DPYSL2: variants seen among roughly 807,000 people sequenced by gnomAD.
The protein encoded by DPYSL2 is dihydropyrimidinase-related protein 2.
DPYSL2 carries 13 observed loss-of-function variants against 69.9 expected under a neutral mutation model. That is an observed-to-expected ratio of 0.19 (90% CI 0.12 to 0.30). DPYSL2 has a LOEUF of 0.30. Among genes scored for constraint, DPYSL2 ranks in the 10% least tolerant of loss-of-function variants. The probability of loss-of-function intolerance (pLI) is 1.00; values close to 1 mark genes in which losing one functional copy is unlikely to be tolerated. For synonymous variants in DPYSL2, 326 were observed against 359.1 expected (o/e 0.91, Z 1.04); for missense variants, 587 against 918.9 (o/e 0.64, Z 4.67).
intron 10 of DPYSL2, among the ~76,000 whole-genome samples, chr8:26,645,724 A>G (rs1046228297): frequency 6.6e-6 from 1 of 151,624 alleles, no homozygotes; most frequent in Non-Finnish European, 1.5e-5. Flanking sequence ...TGATTTTTGT[A>G]TTTTTAGTAG....
intron 1 of DPYSL2, among the ~76,000 whole-genome samples, chr8:26,519,471 T>G (rs1320557805): frequency 1.3e-5 from 2 of 152,234 alleles, no homozygotes; most frequent in Admixed American, 6.5e-5. Context: ...TAGCATTATA[T>G]AACTCTAGAA....
At chr8:26,600,717 C>T (rs976991430) in intron 3 of DPYSL2, among the ~76,000 whole-genome samples, 8 of 152,092 alleles carry the variant, frequency 5.3e-5, no homozygotes, top group African/African-American at 1.9e-4. Flanking sequence ...AGAAAGGCAG[C>T]CCTCTTAGCT....
rs1320191965 is a variant in DPYSL2, at chr8:26,656,486, T to G, written c.*780T>G. 1 of 152,480 alleles carries G rather than the reference T, an allele frequency of 6.6e-6. No individual in the cohort carries two copies. The highest frequency in any genetic ancestry group is 1.9e-4 in the East Asian group (1 of 5,188). 9.4% of individuals were successfully genotyped at this position (152,480 alleles called of 1,614,324 possible). A position where few individuals can be genotyped will look rare whatever the true frequency, so the allele number is the denominator to read the frequency against. The stretch of plus-strand genomic sequence containing the variant: ...TGCGTGCTCTCACTCTCTCTTTCTC[T>G]CTCTAGCTTTTTAATTCATGAATAT... On this transcript the variant is annotated 3_prime_UTR_variant, in exon 14 of 14. Coordinates refer to ENST00000521913, the MANE Select transcript of DPYSL2 (RefSeq NM_001197293.3).
At position 26,614,548 on chromosome 8, in the gene DPYSL2, A is replaced by C. The variant is rs35491396; in HGVS notation, c.629-9595A>C. ...ATCTTCTACCTCTTTGTTTCCTCCA[A>C]AGTTGGCCGATCACCAGATCACTTA... is the stretch of plus-strand genomic sequence containing the variant. On this transcript the variant is annotated intron_variant, in intron 3 of 13. Transcript: ENST00000521913. The surrounding 1 kb of genome is among the most constrained non-coding windows in gnomAD (Gnocchi z 4.9). 0.19 allele frequency among the ~76,000 whole-genome samples: 28,473 copies of C among 152,054 alleles called. 2,729 individuals are homozygous for C. The highest frequency in any genetic ancestry group is 0.24 in the Middle Eastern group (72 of 294).
chr8:26,527,822 A>G (rs1164240041), intron 1 of DPYSL2, among the ~76,000 whole-genome samples: 1 of 42,614 alleles, frequency 2.3e-5, no homozygotes, highest in Non-Finnish European at 7.2e-5. Flanking sequence ...TTTTTTTTTT[A>G]GATGGAGTCT....
At chr8:26,522,501 A>G (rs10112773) in intron 1 of DPYSL2, among the ~76,000 whole-genome samples, 110,639 of 152,162 alleles carry the variant, frequency 0.73, 42,379 homozygotes, top group East Asian at 0.9. Flanking sequence ...TGCACATCCT[A>G]GCCAACACTT....
intron 10 of DPYSL2, among the ~76,000 whole-genome samples, chr8:26,646,287 G>A (rs1010647924): frequency 3.3e-5 from 5 of 151,894 alleles, no homozygotes; most frequent in Non-Finnish European, 7.4e-5. Context: ...TCTACAAGTG[G>A]CATTGCTGGG....
At chr8:26,613,315 G>T (rs1802277692) in intron 3 of DPYSL2, among the ~76,000 whole-genome samples, 1 of 152,198 alleles carries the variant, frequency 6.6e-6, no homozygotes, top group South Asian at 2.1e-4. Flanking sequence ...CTGACTCCTG[G>T]CCTCCCAGGG....
At chr8:26,590,439 G>A (rs1174062796) in intron 3 of DPYSL2, among the ~76,000 whole-genome samples, 2 of 151,442 alleles carry the variant, frequency 1.3e-5, no homozygotes, top group African/African-American at 2.4e-5. Flanking sequence ...GGCCTTGAAC[G>A]GCTGGACTGG....
In DPYSL2 at chr8:26,587,223, T is replaced by G. The variant is rs1243099438; in HGVS notation, c.628+3240T>G. On this transcript the variant is annotated intron_variant, in intron 3 of 13. Transcript: ENST00000521913. This position sits in a 1 kb window ranked among gnomAD's most constrained non-coding sequence, Gnocchi z 4.2. ...CATTGGCACCTAAGACCTGCTACTTTCTTTGACTTAATATATTGAGTCCAG... is the reference window on the plus strand; with the variant it reads ...CATTGGCACCTAAGACCTGCTACTTGCTTTGACTTAATATATTGAGTCCAG... Among the ~76,000 whole-genome samples, 1 of 152,226 alleles carries G rather than the reference T, an allele frequency of 6.6e-6. No homozygotes were observed. The highest frequency in any genetic ancestry group is 1.5e-5 in the Non-Finnish European group (1 of 68,052).
Position 26,514,714 on chromosome 8 carries a change from G to A in DPYSL2, c.354+35G>A. On this transcript the variant is annotated intron_variant, in intron 1 of 13. Transcript: ENST00000521913. The surrounding 1 kb of genome is among the most constrained non-coding windows in gnomAD (Gnocchi z 8.4). ...GGGGTTGGGGGTGGAGACGGAGGAC[G>A]GGGCGCGGGGATCGCCCCTCCCTCG... 3 of 1,343,696 alleles carry A rather than the reference G, an allele frequency of 2.2e-6. No homozygotes were observed. Among genetic ancestry groups the A allele is most frequent in the Non-Finnish European group, 2.9e-6 (3 of 1,043,074 alleles). The allele number at this position is 1,343,696 out of a possible 1,614,324, so 83.2% of individuals were successfully genotyped here.
At chr8:26,529,489 T>A (rs1800460538) in intron 1 of DPYSL2, among the ~76,000 whole-genome samples, 1 of 152,000 alleles carries the variant, frequency 6.6e-6, no homozygotes, top group African/African-American at 2.4e-5. Flanking sequence ...GCTCATTTTT[T>A]AATTTTTTGT....
At chr8:26,524,792 A>T (rs1382492945) in intron 1 of DPYSL2, among the ~76,000 whole-genome samples, 1 of 121,490 alleles carries the variant, frequency 8.2e-6, no homozygotes, top group African/African-American at 3.2e-5. Context: ...ACAGAGAGAG[A>T]CTCTGTCTCA....
At position 26,653,846 on chromosome 8, in the gene DPYSL2, G is replaced by A. The variant is rs926321804; in HGVS notation, c.1942+449G>A. ...GCTGGGATTACAGGTGTGAGCCACC[G>A]GGCCCAGCCTAGCTTGGCCTGGAGA... On this transcript the variant is annotated intron_variant, in intron 13 of 13. Coordinates refer to ENST00000521913, the MANE Select transcript of DPYSL2 (RefSeq NM_001197293.3). The surrounding 1 kb of genome is among the most constrained non-coding windows in gnomAD (Gnocchi z 5.7). Among the ~76,000 whole-genome samples, 7 of 152,138 alleles carry A rather than the reference G, an allele frequency of 4.6e-5. No individual in the cohort carries two copies. Among genetic ancestry groups the A allele is most frequent in the East Asian group, 1.9e-4 (1 of 5,188 alleles).
At chr8:26,573,666 C>CAAAAA in intron 1 of DPYSL2, among the ~76,000 whole-genome samples, 1 of 95,124 alleles carries the variant, frequency 1.1e-5, no homozygotes, top group Non-Finnish European at 2.0e-5. Context: ...AAGACTGTCT[C>CAAAAA]AAAAAAAAAA....
At chr8:26,537,166 G>GT (rs1431976348) in intron 1 of DPYSL2, among the ~76,000 whole-genome samples, 2 of 152,110 alleles carry the variant, frequency 1.3e-5, no homozygotes, top group African/African-American at 4.8e-5. Context: ...TACAGAGTTG[G>GT]TTAGGTAATA....
intron 1 of DPYSL2, among the ~76,000 whole-genome samples, chr8:26,529,797 G>A (rs1035817136): frequency 1.3e-5 from 2 of 148,860 alleles, no homozygotes; most frequent in Non-Finnish European, 3.0e-5. Context: ...GCCAAAGCTG[G>A]TGGTGAAGAT....
chr8:26,629,430 G>A (rs1802692942), intron 7 of DPYSL2, among the ~76,000 whole-genome samples: 1 of 152,174 alleles, frequency 6.6e-6, no homozygotes, highest in Admixed American at 6.5e-5. Flanking sequence ...ACTTTCAGTA[G>A]CATTTGAGGC....
intron 1 of DPYSL2, among the ~76,000 whole-genome samples, chr8:26,570,487 T>C (rs571666794): frequency 6.6e-6 from 1 of 152,102 alleles, no homozygotes; most frequent in East Asian, 1.9e-4. Flanking sequence ...ATGCCTGTAA[T>C]CCCAACACTG....
Sources: allele counts gnomAD v4.1 joint callset (sites outside exome capture counted in the v4.1 genomes callset), GRCh38; gene constraint gnomAD v4.1.1; non-coding constraint Gnocchi (gnomAD v3.1); transcripts MANE v1.5; gene names NCBI Gene and HGNC (gene_info 2026-07-23, HGNC 2026-07-21).